The following ZBBX variants were observed in gnomAD, a reference collection of about 807,000 sequenced individuals.
The protein encoded by ZBBX is zinc finger B-box domain containing, also known as zinc finger B-box domain-containing protein 1.
ZBBX carries 101 observed loss-of-function variants against 108.5 expected under a neutral mutation model. The observed-to-expected ratio is 0.93, with a 90% CI of 0.79 to 1.10. The LOEUF is 1.10. Among genes scored for constraint, ZBBX ranks in the 50% least tolerant of loss-of-function variants. ZBBX has a pLI of 0.00. For synonymous variants in ZBBX, 356 were observed against 323.4 expected, an observed-to-expected ratio of 1.10 and a Z score of -1.08; for missense variants, 1,009 against 941.4, an observed-to-expected ratio of 1.07 and a Z score of -0.94.
At chr3:167,405,332 G>A (rs1241465891) in intron 1 of ZBBX, among the ~76,000 whole-genome samples, 1 of 152,136 alleles carries the variant, frequency 6.6e-6, no homozygotes, top group African/African-American at 2.4e-5. Flanking sequence ...AAACAGTGCA[G>A]ACAGCAGAAG....
intron 19 of ZBBX, 108 bp downstream of exon 19, chr3:167,288,759 C>T (rs1730154411): frequency 3.9e-6 from 2 of 515,500 alleles, no homozygotes; most frequent in East Asian, 3.3e-5. Context: ...ATTTAAATTA[C>T]AGAACTTCAA....
chr3:167,188,012 T>C, the ZBBX span, among the ~76,000 whole-genome samples: 1 of 152,248 alleles, frequency 6.6e-6, no homozygotes, highest in Non-Finnish European at 1.5e-5. Context: ...TTTTCCAAAG[T>C]CTACATTAAA....
intron 9 of ZBBX, among the ~76,000 whole-genome samples, chr3:167,344,012 C>T (rs567683646): frequency 3.3e-5 from 5 of 151,966 alleles, no homozygotes; most frequent in African/African-American, 1.2e-4. Flanking sequence ...TATGCTATAT[C>T]AAACAATGAA....
chr3:167,331,431 T>C (rs1738616129), intron 10 of ZBBX: 1 of 333,750 alleles, frequency 3.0e-6, no homozygotes, highest in Non-Finnish European at 4.3e-6. Flanking sequence ...TGAACAAGCA[T>C]TGAAAACTCA....
intron 16 of ZBBX, among the ~76,000 whole-genome samples, chr3:167,307,858 A>C (rs2108243984): frequency 6.6e-6 from 1 of 152,240 alleles, no homozygotes; most frequent in Admixed American, 6.5e-5. Context: ...AACTATGAAA[A>C]CCCTGGAAGA....
At chr3:167,324,746 C>G (rs1395072583) in intron 11 of ZBBX, among the ~76,000 whole-genome samples, 1 of 152,090 alleles carries the variant, frequency 6.6e-6, no homozygotes, top group African/African-American at 2.4e-5. Context: ...TGCTTGGTCC[C>G]ATTGAAGCAT....
chr3:167,405,688 A>C (rs981567891), intron 1 of ZBBX, among the ~76,000 whole-genome samples: 1 of 152,238 alleles, frequency 6.6e-6, no homozygotes, highest in South Asian at 2.1e-4. Flanking sequence ...GTAATTGAAG[A>C]AGGTATTCCT....
intron 20 of ZBBX, among the ~76,000 whole-genome samples, chr3:167,270,663 T>G (rs1726362462): frequency 6.6e-6 from 1 of 152,130 alleles, no homozygotes; most frequent in Admixed American, 6.5e-5. Context: ...TATGGCAATA[T>G]TAGTTGAAGA....
intron 20 of ZBBX, among the ~76,000 whole-genome samples, chr3:167,275,060 T>C (rs1727264971): frequency 6.6e-6 from 1 of 152,214 alleles, no homozygotes; most frequent in South Asian, 2.1e-4. Context: ...AAAACATTTA[T>C]CTGAAATGTA....
chr3:167,201,144 A>G, the ZBBX span, among the ~76,000 whole-genome samples: 1 of 152,098 alleles, frequency 6.6e-6, no homozygotes, highest in Non-Finnish European at 1.5e-5. Flanking sequence ...AATGATTTGA[A>G]AAGTTTCCCA....
chr3:167,324,012 C>A (rs1375866149), intron 11 of ZBBX, among the ~76,000 whole-genome samples: 2 of 152,028 alleles, frequency 1.3e-5, no homozygotes, highest in African/African-American at 2.4e-5. Context: ...TACTATTAAG[C>A]TGAATGGTCA....
intron 8 of ZBBX, among the ~76,000 whole-genome samples, chr3:167,359,249 T>C (rs1403906957): frequency 6.6e-6 from 1 of 152,162 alleles, no homozygotes; most frequent in Non-Finnish European, 1.5e-5. Flanking sequence ...TCACTAAATC[T>C]ATAGTGTTAA....
chr3:167,364,017 G>A (rs1744938823), intron 6 of ZBBX, among the ~76,000 whole-genome samples: 1 of 151,972 alleles, frequency 6.6e-6, no homozygotes. Context: ...TGTAGTAATA[G>A]AGGCTTGGAA....
intron 11 of ZBBX, among the ~76,000 whole-genome samples, chr3:167,324,527 A>G (rs189496528): frequency 1.2e-4 from 19 of 152,222 alleles, no homozygotes; most frequent in Admixed American, 9.2e-4. Flanking sequence ...TCTGCCCATT[A>G]AACAGAAATT....
intron 1 of ZBBX, among the ~76,000 whole-genome samples, chr3:167,391,154 G>A (rs1003932841): frequency 2.0e-5 from 3 of 152,036 alleles, no homozygotes; most frequent in African/African-American, 7.2e-5. Flanking sequence ...TTTGAGATAT[G>A]TTCCATGCAT....
chr3:167,325,047 C>T (rs1172732020), intron 11 of ZBBX, among the ~76,000 whole-genome samples: 5 of 152,198 alleles, frequency 3.3e-5, no homozygotes, highest in Admixed American at 2.0e-4. Flanking sequence ...AAATCCTGTG[C>T]GAGTACATCT....
chr3:167,259,006 T>C (rs555888549), intron 20 of ZBBX, among the ~76,000 whole-genome samples: 2 of 152,292 alleles, frequency 1.3e-5, no homozygotes, highest in South Asian at 2.1e-4. Flanking sequence ...TAGAGAGGGT[T>C]GCTTCTTTCT....
At chr3:167,191,381 G>A in the ZBBX span, among the ~76,000 whole-genome samples, 2 of 152,014 alleles carry the variant, frequency 1.3e-5, no homozygotes, top group South Asian at 2.1e-4. Flanking sequence ...TCTCTGATAC[G>A]GTTTGGCTGT....
the ZBBX span, among the ~76,000 whole-genome samples, chr3:167,201,904 A>G: frequency 6.6e-6 from 1 of 152,126 alleles, no homozygotes; most frequent in Admixed American, 6.6e-5. Context: ...CATGCCATAC[A>G]CCATCTTCAT....
Sources: gnomAD v4.1 joint callset for allele counts (sites outside exome capture counted in the v4.1 genomes callset) on GRCh38, gnomAD v4.1.1 for gene constraint, MANE v1.5 for transcripts, NCBI Gene and HGNC (gene_info 2026-07-23, HGNC 2026-07-21) for gene names.